Variants in FLI1 observed in about 807,000 individuals in gnomAD.
FLI1 encodes the protein Fli-1 proto-oncogene, ETS transcription factor.
A neutral mutation model predicts 53.1 loss-of-function variants in FLI1; 13 were observed. That is an observed-to-expected ratio of 0.24 (90% CI 0.16 to 0.39). FLI1 has a LOEUF of 0.39. Among genes scored for constraint, FLI1 ranks in the 10% least tolerant of loss-of-function variants. FLI1 has a pLI of 1.00. For missense variants in FLI1, 424 were observed against 600.5 expected (o/e 0.71, Z 3.07); for synonymous variants, 244 against 236.7 (o/e 1.03, Z -0.28).
chr11:128,752,032 G>A (rs930722303), intron 1 of FLI1, among the ~76,000 whole-genome samples: 1 of 151,558 alleles, frequency 6.6e-6, no homozygotes, highest in Non-Finnish European at 1.5e-5. Context: ...CCAGAGTGCT[G>A]TGCCGCTACA....
chr11:128,773,188 C>T (rs1276002138), intron 4 of FLI1, among the ~76,000 whole-genome samples: 3 of 152,060 alleles, frequency 2.0e-5, no homozygotes, highest in Non-Finnish European at 2.9e-5. Flanking sequence ...GGAAGTAAGA[C>T]GAGAAATGGA....
At chr11:128,720,206 C>T (rs1011527086) in intron 1 of FLI1, among the ~76,000 whole-genome samples, 5 of 152,042 alleles carry the variant, frequency 3.3e-5, no homozygotes, top group East Asian at 1.9e-4. Context: ...TATTAAATTA[C>T]GGCCATGTTC....
At chr11:128,758,369 G>A in intron 2 of FLI1, 43 bp downstream of exon 2, 1 of 1,552,972 alleles carries the variant, frequency 6.4e-7, no homozygotes, top group Non-Finnish European at 8.8e-7. Flanking sequence ...AAGGCACAAA[G>A]TCGCCAGATC....
At chr11:128,716,321 C>G (rs1051663517) in intron 1 of FLI1, among the ~76,000 whole-genome samples, 5 of 152,194 alleles carry the variant, frequency 3.3e-5, no homozygotes, top group African/African-American at 1.2e-4. Context: ...AGATCCTCAG[C>G]AGCAGGAGAG....
At chr11:128,759,679 A>G (rs2135813362) in intron 2 of FLI1, among the ~76,000 whole-genome samples, 1 of 152,356 alleles carries the variant, frequency 6.6e-6, no homozygotes, top group South Asian at 2.1e-4. Flanking sequence ...AGCCGCAGAA[A>G]GGTGGCACAG....
chr11:128,686,440 CG>C (rs1401105251), upstream of FLI1: 10 of 456,142 alleles, frequency 2.2e-5, no homozygotes, highest in Non-Finnish European at 3.5e-5. Context: ...GCCTGAAGCC[CG>C]GGGACGGGAC....
chr11:128,775,841 T>A (rs1193534967), intron 4 of FLI1, among the ~76,000 whole-genome samples: 3 of 152,020 alleles, frequency 2.0e-5, no homozygotes, highest in Non-Finnish European at 2.9e-5. Context: ...AAGAGATGGA[T>A]GGAAAATAGC....
At chr11:128,765,310 G>A (rs1403154352) in intron 2 of FLI1, among the ~76,000 whole-genome samples, 1 of 152,128 alleles carries the variant, frequency 6.6e-6, no homozygotes, top group African/African-American at 2.4e-5. Flanking sequence ...GACCAGCCCT[G>A]CCACCTGTGC....
At chr11:128,736,663 C>CA (rs1449797646) in intron 1 of FLI1, among the ~76,000 whole-genome samples, 1 of 152,114 alleles carries the variant, frequency 6.6e-6, no homozygotes, top group African/African-American at 2.4e-5. Context: ...TTTCCCAAGG[C>CA]AAATGTTCAG....
intron 1 of FLI1, among the ~76,000 whole-genome samples, chr11:128,717,955 C>T (rs1257648973): frequency 2.0e-5 from 3 of 152,202 alleles, no homozygotes; most frequent in Admixed American, 6.5e-5. Flanking sequence ...CAGATGTTCC[C>T]AAAAGGATCT....
At chr11:128,757,088 CTT>C (rs781637266) in intron 1 of FLI1, among the ~76,000 whole-genome samples, 4,458 of 147,172 alleles carry the variant, frequency 0.03, 161 homozygotes, top group East Asian at 0.17. Flanking sequence ...TTCTTTCTTT[CTT>C]TCTTTCTTTC....
chr11:128,694,380 C>G, intron 1 of FLI1, 104 bp downstream of exon 1: 1 of 919,868 alleles, frequency 1.1e-6, no homozygotes, highest in Non-Finnish European at 1.5e-6. Context: ...TGGCCTCTCT[C>G]CCTTCCCTCC....
At chr11:128,803,340 G>A (rs12417018) in intron 5 of FLI1, among the ~76,000 whole-genome samples, 18,428 of 152,102 alleles carry the variant, frequency 0.12, 1,183 homozygotes, top group East Asian at 0.17. Flanking sequence ...AGTTTGCTGA[G>A]CTACCATCAG....
chr11:128,764,737 G>T (rs560318208), intron 2 of FLI1: 11 of 1,574,478 alleles, frequency 7.0e-6, no homozygotes, highest in African/African-American at 1.3e-5. Context: ...CCCCATGGCC[G>T]CACGCAGGGC....
intron 1 of FLI1, among the ~76,000 whole-genome samples, chr11:128,726,774 C>T (rs941018175): frequency 2.0e-5 from 3 of 152,118 alleles, no homozygotes; most frequent in African/African-American, 7.2e-5. Context: ...AGCCAGAGGA[C>T]ACGGTTGTAA....
intron 1 of FLI1, among the ~76,000 whole-genome samples, chr11:128,741,733 G>A (rs653835): frequency 2.0e-5 from 3 of 151,688 alleles, no homozygotes; most frequent in Non-Finnish European, 4.4e-5. Context: ...CCCTCCCCCC[G>A]ATTCCTGCTC....
chr11:128,687,094 G>A (rs1326452667), intron 1 of FLI1, among the ~76,000 whole-genome samples: 1 of 152,256 alleles, frequency 6.6e-6, no homozygotes, highest in Non-Finnish European at 1.5e-5. Context: ...GTGTGCATGC[G>A]TGCGCCTGTT....
chr11:128,743,482 C>T lies in FLI1; in HGVS notation c.19-14633C>T, dbSNP rs114855983. ...GGATCCTGAGGAAAATGGAACTGAA[C>T]GGGACAAAGGAGCTCAGAAATTTTT... is the stretch of plus-strand genomic sequence containing the variant. On this transcript the variant is annotated intron_variant, in intron 1 of 8. Coordinates refer to ENST00000527786, the MANE Select transcript of FLI1 (RefSeq NM_002017.5). 6.0e-3 allele frequency among the ~76,000 whole-genome samples: 907 copies of T among 150,836 alleles called. 12 individuals carry two copies. The highest frequency in any genetic ancestry group is 0.021 in the African/African-American group (871 of 41,020).
rs1285625764 is a variant in FLI1, at chr11:128,694,374, C to A, written c.18+98C>A. ...GGGCCCGCGTCCCGGAAGACGTGGC[C>A]TCTCTCCCTTCCCTCCGCGCCCCGG... On this transcript the variant is annotated intron_variant, in intron 1 of 8. Transcript: ENST00000527786. 6.1e-6 allele frequency: 6 copies of A among 980,846 alleles called. No homozygotes were observed. The African/African-American group carries it at 8.4e-5, about 14-fold the overall frequency. 60.8% of individuals were successfully genotyped at this position (980,846 alleles called of 1,614,324 possible). A position where few individuals can be genotyped will look rare whatever the true frequency, so the allele number is the denominator to read the frequency against.
Sources: gnomAD v4.1 joint callset for allele counts (sites outside exome capture counted in the v4.1 genomes callset) on GRCh38, gnomAD v4.1.1 for gene constraint, MANE v1.5 for transcripts, NCBI Gene and HGNC (gene_info 2026-07-23, HGNC 2026-07-21) for gene names.